The following ZC3HAV1 variants were observed in gnomAD, a reference collection of about 807,000 sequenced individuals.
ZC3HAV1 encodes the protein zinc finger CCCH-type containing, antiviral 1.
Under a neutral mutation model 86.6 loss-of-function variants are expected in ZC3HAV1, and 41 were observed. The observed-to-expected ratio is 0.47, with a 90% CI of 0.37 to 0.61. ZC3HAV1 has a LOEUF of 0.61. Among genes scored for constraint, ZC3HAV1 ranks in the 20% least tolerant of loss-of-function variants. The pLI, the probability that ZC3HAV1 is intolerant of heterozygous loss-of-function variation, is 0.00. For synonymous variants in ZC3HAV1, 421 were observed against 432.1 expected (o/e 0.97, Z 0.32); for missense variants, 964 against 1,141.1 (o/e 0.84, Z 2.24).
In ZC3HAV1 at chr7:139,055,713, C is replaced by T. The variant is rs1253025462; in HGVS notation, c.2097-418G>A. 2.6e-5 allele frequency among the ~76,000 whole-genome samples: 4 copies of T among 152,140 alleles called. No individual in the cohort carries two copies. In the East Asian group the frequency reaches 7.7e-4, roughly 29 times the overall value. On this transcript the variant is annotated intron_variant, in intron 9 of 12. Coordinates refer to ENST00000242351, the MANE Select transcript of ZC3HAV1 (RefSeq NM_020119.4). The stretch of plus-strand genomic sequence containing the variant: ...CAGTATGAACTGTATTTCAGGGTAA[C>T]CATACCTGAGAAGTAATTTTCTTTT...
intron 1 of ZC3HAV1, among the ~76,000 whole-genome samples, chr7:139,096,756 C>T (rs986858067): frequency 5.3e-5 from 8 of 152,196 alleles, no homozygotes; most frequent in Admixed American, 5.2e-4. Flanking sequence ...TTGCAGTCTT[C>T]CAGGAAGTGT....
At position 139,080,057 on chromosome 7, in the gene ZC3HAV1, C is replaced by T. The variant is rs138485120; in HGVS notation, c.884G>A (p.Arg295His). The stretch of plus-strand genomic sequence containing the variant: ...CTGACTCCCCAGATACGTGAACTTG[C>T]GGGTGAGATCGTCCACAGGCGCGTC... Reference protein sequence around the residue: ...LEDAPVDDLTRKFTYLGSQDR... With the variant: ...LEDAPVDDLTHKFTYLGSQDR... The change falls in exon 4 of 13, where the codon CGC becomes CAC. Residue 295 changes from arginine to histidine, a missense_variant. Coordinates refer to ENST00000242351, the MANE Select transcript of ZC3HAV1 (RefSeq NM_020119.4). 4.7e-3 allele frequency: 7,639 copies of T among 1,614,138 alleles called. 26 individuals carry two copies. The highest frequency in any genetic ancestry group is 5.8e-3 in the Non-Finnish European group (6,862 of 1,180,030).
In ZC3HAV1 at chr7:139,043,698, G is replaced by A. The variant is rs2130650040; in HGVS notation, c.*3896C>T. The A allele has an allele frequency of 6.6e-6, 1 of 152,332 alleles. No individual in the cohort carries two copies. The highest frequency in any genetic ancestry group is 1.5e-5 in the Non-Finnish European group (1 of 68,034). The allele number at this position is 152,332 out of a possible 1,614,324, so 9.4% of individuals were successfully genotyped here. A position where few individuals can be genotyped will look rare whatever the true frequency, so the allele number is the denominator to read the frequency against. On this transcript the variant is annotated 3_prime_UTR_variant, in exon 13 of 13. Transcript: ENST00000242351. Reference sequence around the variant, plus strand: ...CAGGCGTGGCACAGCAAACAAGACAGACTGACTCAACCCTCAGGGGGCTTA... The same window carrying A: ...CAGGCGTGGCACAGCAAACAAGACAAACTGACTCAACCCTCAGGGGGCTTA...
intron 9 of ZC3HAV1, 108 bp from the exon 10 acceptor site, chr7:139,055,403 A>G: frequency 1.2e-6 from 1 of 834,490 alleles, no homozygotes; most frequent in Non-Finnish European, 1.9e-6. Context: ...GAAATACACA[A>G]TATTTATTTC....
chr7:139,060,340 T>G, intron 9 of ZC3HAV1: 2 of 985,424 alleles, frequency 2.0e-6, no homozygotes, highest in Non-Finnish European at 2.4e-6. Flanking sequence ...TCCAAAAATG[T>G]TCATGAACAA....
At chr7:139,088,686 T>C (rs1251585640) in intron 2 of ZC3HAV1, among the ~76,000 whole-genome samples, 1 of 152,170 alleles carries the variant, frequency 6.6e-6, no homozygotes, top group Non-Finnish European at 1.5e-5. Flanking sequence ...CCATAAAGGA[T>C]CAGATAGTAA....
intron 9 of ZC3HAV1, among the ~76,000 whole-genome samples, chr7:139,059,093 C>T (rs1816373640): frequency 6.6e-6 from 1 of 152,126 alleles, no homozygotes; most frequent in South Asian, 2.1e-4. Flanking sequence ...ACGATTGTAA[C>T]GATTGTAACG....
At chr7:139,048,462 C>T (rs112078674) in intron 12 of ZC3HAV1, among the ~76,000 whole-genome samples, 4,965 of 151,760 alleles carry the variant, frequency 0.033, 266 homozygotes, top group African/African-American at 0.11. Context: ...AAAAATTAGC[C>T]GGGCATGGTG....
In ZC3HAV1 at chr7:139,053,547, G is replaced by C. The variant is rs761129438; in HGVS notation, c.2353C>G (p.Leu785Val). Residue 785 changes from leucine (L) to valine (V), a missense_variant, in exon 12 of 13, where the codon CTA becomes GTA. By Grantham distance (32) the Leu-to-Val change is conservative. Transcript: ENST00000242351. The part of the protein sequence containing the change: ...KSQMKEEGKL[L>V]FYATSRAYVE... ...TAGGCACGGCTTGTCGCATAAAATA[G>C]GAGTTTTCCTTCTTCCTTCATCTGC... is the stretch of plus-strand genomic sequence containing the variant. The C allele has an allele frequency of 1.2e-6, 2 of 1,602,142 alleles. No individual in the cohort carries two copies. The highest frequency in any genetic ancestry group is 2.7e-5 in the African/African-American group (2 of 74,260).
intron 3 of ZC3HAV1, among the ~76,000 whole-genome samples, chr7:139,080,739 G>A (rs1357125598): frequency 1.3e-5 from 2 of 152,188 alleles, no homozygotes; most frequent in African/African-American, 2.4e-5. Context: ...ACTTTTAGGT[G>A]GGGCTGTCCA....
intron 10 of ZC3HAV1, 55 bp downstream of exon 10, chr7:139,055,150 A>C: frequency 6.8e-7 from 1 of 1,477,410 alleles, no homozygotes; most frequent in South Asian, 1.2e-5. Context: ...CTTGTAGCAA[A>C]GTACTTTTTC....
chr7:139,055,070 C>T (rs10261597), intron 10 of ZC3HAV1, 135 bp downstream of exon 10: 2 of 737,598 alleles, frequency 2.7e-6, no homozygotes, highest in East Asian at 2.9e-5. Flanking sequence ...GATTACAGGG[C>T]TGAGCCACTG....
In ZC3HAV1 at chr7:139,108,922, C is replaced by CG. The variant is rs1429837636; in HGVS notation, c.308+101dup. 7.2e-7 allele frequency: 1 copy of CG among 1,390,360 alleles called. No homozygotes were observed. Among genetic ancestry groups the CG allele is most frequent in the Admixed American group, 2.8e-5 (1 of 36,214 alleles). 86.1% of individuals were successfully genotyped at this position (1,390,360 alleles called of 1,614,324 possible). On this transcript the variant is annotated intron_variant, in intron 1 of 12. Transcript: ENST00000242351. The surrounding 1 kb of genome is among the most constrained non-coding windows in gnomAD (Gnocchi z 4.2). The stretch of plus-strand genomic sequence containing the variant: ...GGCTGGAGGCGGAGGCTGTCAGGTG[C>CG]GGGGTCCCGGCGAAGCCGTGCCCCT...
intron 1 of ZC3HAV1, among the ~76,000 whole-genome samples, chr7:139,091,037 C>T (rs34751423): frequency 1.3e-3 from 203 of 152,270 alleles, no homozygotes; most frequent in Admixed American, 3.3e-3. Context: ...ACCCTGGCTT[C>T]CTGGCACTCC....
rs759094431 is a variant in ZC3HAV1 at position 139,047,726 on chromosome 7, G to A, written c.2577C>T (p.Ser859=). 3 of 1,614,176 alleles carry A rather than the reference G, an allele frequency of 1.9e-6. No individual in the cohort carries two copies. The highest frequency in any genetic ancestry group is 2.2e-5 in the South Asian group (2 of 91,078). Residue 859 remains serine (S), a synonymous_variant, in exon 13 of 13, where the codon AGC becomes AGT. Transcript: ENST00000242351. ...KFTEGNITYT[S]PPPQFDSCVD... is the part of the protein sequence containing the mutation. Reference sequence around the variant, plus strand: ...CACAGCTGTCGAACTGTGGAGGAGGGCTCGTGTACGTTATATTTCCTTCAG... The same window carrying A: ...CACAGCTGTCGAACTGTGGAGGAGGACTCGTGTACGTTATATTTCCTTCAG...
intron 7 of ZC3HAV1, 146 bp from the exon 8 acceptor site, chr7:139,065,145 A>T (rs1563127816): frequency 9.4e-7 from 1 of 1,069,026 alleles, no homozygotes; most frequent in East Asian, 2.6e-5. Context: ...GCTCAGGGCT[A>T]TGTCACAGAC....
At chr7:139,058,516 G>C (rs1310405366) in intron 9 of ZC3HAV1, among the ~76,000 whole-genome samples, 1 of 152,012 alleles carries the variant, frequency 6.6e-6, no homozygotes, top group African/African-American at 2.4e-5. Flanking sequence ...TTGGTGGGGA[G>C]GGAGGGGGAA....
Position 139,079,616 on chromosome 7 carries a change from G to A in ZC3HAV1, c.1325C>T (p.Thr442Ile). Reference sequence around the variant, plus strand: ...AGTGCTTTTGTAATTTAAGGATCTGGTAGAAGTTATATCTGTGGCCACTCC... The same window carrying A: ...AGTGCTTTTGTAATTTAAGGATCTGATAGAAGTTATATCTGTGGCCACTCC... ...ADGVATDITS[T>I]RSLNYKSTSS... Residue 442 changes from threonine (T) to isoleucine (I), a missense_variant, in exon 4 of 13, where the codon ACC (threonine) becomes ATC (isoleucine). Transcript: ENST00000242351. The A allele has an allele frequency of 6.2e-7, 1 of 1,614,112 alleles. No individual in the cohort carries two copies. Among genetic ancestry groups the A allele is most frequent in the Non-Finnish European group, 8.5e-7 (1 of 1,180,014 alleles).
chr7:139,071,992 T>C (rs76892733), intron 7 of ZC3HAV1, among the ~76,000 whole-genome samples: 1,657 of 152,180 alleles, frequency 0.011, 28 homozygotes, highest in African/African-American at 0.038. Context: ...CATAACAGAG[T>C]AGTGCCTCTC....
Sources: allele counts gnomAD v4.1 joint callset (sites outside exome capture counted in the v4.1 genomes callset), GRCh38; gene constraint gnomAD v4.1.1; non-coding constraint Gnocchi (gnomAD v3.1); transcripts MANE v1.5; gene names NCBI Gene and HGNC (gene_info 2026-07-23, HGNC 2026-07-21).